SAE1: variants seen among roughly 807,000 people sequenced by gnomAD.
SAE1 encodes the protein SUMO1 activating enzyme subunit 1.
A neutral mutation model predicts 40.6 loss-of-function variants in SAE1; 11 were observed. The observed-to-expected ratio is 0.27, with a 90% confidence interval of 0.17 to 0.45. The LOEUF is 0.45. Among genes scored for constraint, SAE1 ranks in the 20% least tolerant of loss-of-function variants. SAE1 has a pLI of 1.00. For synonymous variants in SAE1, 155 were observed against 154.3 expected (o/e 1.00, Z -0.03); for missense variants, 373 against 427.3 (o/e 0.87, Z 1.12).
chr19:47,186,274 A>G (rs1237225704), intron 6 of SAE1, among the ~76,000 whole-genome samples: 2 of 152,058 alleles, frequency 1.3e-5, no homozygotes, highest in Admixed American at 1.3e-4. Flanking sequence ...ATAAAAGCTC[A>G]TTGGAGCATT....
intron 5 of SAE1, among the ~76,000 whole-genome samples, chr19:47,168,689 C>T (rs996327764): frequency 6.6e-6 from 1 of 151,966 alleles, no homozygotes. Flanking sequence ...TGCAACCTCC[C>T]CCCTCCTAGG....
rs191185562 is a variant in SAE1, at chr19:47,130,843, C to A, written c.-88C>A. ...TGCGCATGCGCAGAAGCACTCCGGG[C>A]GTGCTGCCGGCGGCGGTAGGTGGCG... On this transcript the variant is annotated 5_prime_UTR_variant, in exon 1 of 9. Coordinates refer to ENST00000270225, the MANE Select transcript of SAE1 (RefSeq NM_005500.3). 503 of 1,539,048 alleles carry A rather than the reference C, an allele frequency of 3.3e-4. 3 individuals carry two copies. In the African/African-American group the frequency reaches 6.2e-3, roughly 19 times the overall value.
chr19:47,175,591 A>G (rs2123266040), intron 6 of SAE1, among the ~76,000 whole-genome samples: 2 of 152,202 alleles, frequency 1.3e-5, no homozygotes, highest in Middle Eastern at 6.8e-3. Flanking sequence ...CACAAAAATT[A>G]GCCAGGCATG....
intron 6 of SAE1, among the ~76,000 whole-genome samples, chr19:47,170,411 C>T (rs2058423470): frequency 6.6e-6 from 1 of 150,982 alleles, no homozygotes; most frequent in African/African-American, 2.4e-5. Context: ...GATGGGGTTT[C>T]ACCATGATGC....
In SAE1 at chr19:47,143,546, A is replaced by G. The variant is rs1487098045; in HGVS notation, c.151A>G (p.Ile51Val). ...LVGLKGLGAE[I>V]AKNLILAGVK... ...CGGCTTGAAAGGACTTGGGGCTGAA[A>G]TTGCCAAGAATCTCATCTTGGCAGG... Residue 51 changes from isoleucine (I) to valine (V), a missense_variant, in exon 2 of 9, where the codon ATT (isoleucine) becomes GTT (valine). Physicochemically the swap from Ile to Val is conservative, Grantham distance 29 (BLOSUM62 3). Coordinates refer to ENST00000270225, the MANE Select transcript of SAE1 (RefSeq NM_005500.3). The G allele has an allele frequency of 1.9e-6, 3 of 1,614,116 alleles. No homozygotes were observed. The highest frequency in any genetic ancestry group is 2.5e-6 in the Non-Finnish European group (3 of 1,180,026).
chr19:47,142,383 TTAAA>T, intron 1 of SAE1: 1 of 124,240 alleles, frequency 8.0e-6, no homozygotes, highest in Non-Finnish European at 1.9e-5. Context: ...GACTCTGTCT[TTAAA>T]AAAAAAAAAA....
intron 1 of SAE1, among the ~76,000 whole-genome samples, chr19:47,142,037 AC>A (rs2058225393): frequency 6.6e-6 from 1 of 152,062 alleles, no homozygotes; most frequent in Non-Finnish European, 1.5e-5. Context: ...GGATGGCCTG[AC>A]CTCTGATTGC....
At chr19:47,164,430 G>C (rs1185891397) in intron 5 of SAE1, among the ~76,000 whole-genome samples, 1 of 152,046 alleles carries the variant, frequency 6.6e-6, no homozygotes, top group Admixed American at 6.6e-5. Flanking sequence ...GCCTCCCAAA[G>C]TGCTGGGATT....
At position 47,192,281 on chromosome 19, in the gene SAE1, C is replaced by T. The variant is rs550506349; in HGVS notation, c.734-4952C>T. Among the ~76,000 whole-genome samples the T allele has an allele frequency of 2.0e-3, 298 of 151,888 alleles. 1 individual carries two copies. Among genetic ancestry groups the T allele is most frequent in the Non-Finnish European group, 3.6e-3 (243 of 67,942 alleles). On this transcript the variant is annotated intron_variant, in intron 6 of 8. Coordinates refer to ENST00000270225, the MANE Select transcript of SAE1 (RefSeq NM_005500.3). Reference sequence around the variant, plus strand: ...TCGTTGTTGTTTTGAGACAGAGTCTCGCTCTGTCACCCAGGCTAGATTGCA... The same window carrying T: ...TCGTTGTTGTTTTGAGACAGAGTCTTGCTCTGTCACCCAGGCTAGATTGCA...
At chr19:47,201,359 CCTTTT>C (rs1446896066) in intron 7 of SAE1, among the ~76,000 whole-genome samples, 1 of 56,364 alleles carries the variant, frequency 1.8e-5, no homozygotes, top group Non-Finnish European at 3.2e-5. Flanking sequence ...TTATCTGGTT[CCTTTT>C]TTTTTTTTTT....
At chr19:47,196,394 C>T (rs2058616390) in intron 6 of SAE1, among the ~76,000 whole-genome samples, 1 of 121,386 alleles carries the variant, frequency 8.2e-6, no homozygotes, top group Non-Finnish European at 1.6e-5. Flanking sequence ...GACGGAGTCT[C>T]ACTCTGTCAC....
chr19:47,174,047 G>A (rs2058452525), intron 6 of SAE1, among the ~76,000 whole-genome samples: 1 of 152,024 alleles, frequency 6.6e-6, no homozygotes, highest in Non-Finnish European at 1.5e-5. Flanking sequence ...GCCTCCCAAA[G>A]TGCTGGGATT....
intron 5 of SAE1, among the ~76,000 whole-genome samples, chr19:47,156,225 C>T (rs2058323748): frequency 6.6e-6 from 1 of 150,794 alleles, no homozygotes; most frequent in South Asian, 2.1e-4. Flanking sequence ...GAGCCATGGT[C>T]ACACCACTGC....
chr19:47,160,556 G>A (rs972067929), intron 5 of SAE1, among the ~76,000 whole-genome samples: 10 of 151,758 alleles, frequency 6.6e-5, no homozygotes, highest in Non-Finnish European at 1.5e-4. Context: ...CGCCATGCCC[G>A]ACTAATTTTT....
intron 6 of SAE1, among the ~76,000 whole-genome samples, chr19:47,180,465 C>G (rs1409756346): frequency 6.6e-6 from 1 of 152,308 alleles, no homozygotes; most frequent in East Asian, 1.9e-4. Context: ...ACAATTGTTT[C>G]AATCAAGAAT....
At chr19:47,155,049 T>C in intron 4 of SAE1, 65 bp from the exon 5 acceptor site, 1 of 1,061,000 alleles carries the variant, frequency 9.4e-7, no homozygotes, top group Non-Finnish European at 1.5e-6. Flanking sequence ...TGGAGAGGCT[T>C]TTTTTGATTC....
At chr19:47,202,596 C>T (rs752295795) in intron 7 of SAE1, among the ~76,000 whole-genome samples, 2 of 151,416 alleles carry the variant, frequency 1.3e-5, no homozygotes. Flanking sequence ...TAATTATACC[C>T]GTTTAGATTG....
rs1339077131 is a variant in SAE1, at chr19:47,203,809, A to G, written c.948+69A>G. Reference sequence around the variant, plus strand: ...GTATATGTGCTGACAGAGAGAATGGAAACTGTCTTAGACAGCTGCCTGCTT... The same window carrying G: ...GTATATGTGCTGACAGAGAGAATGGGAACTGTCTTAGACAGCTGCCTGCTT... On this transcript the variant is annotated intron_variant, in intron 8 of 8. Coordinates refer to ENST00000270225, the MANE Select transcript of SAE1 (RefSeq NM_005500.3). The G allele has an allele frequency of 4.4e-6, 6 of 1,365,960 alleles. No individual in the cohort carries two copies. In the African/African-American group the frequency reaches 5.7e-5, roughly 13 times the overall value. The allele number at this position is 1,365,960 out of a possible 1,614,324, so 84.6% of individuals were successfully genotyped here.
chr19:47,197,362 C>G lies in SAE1; in HGVS notation c.863C>G (p.Pro288Arg), dbSNP rs144882876. 234 of 1,612,806 alleles carry G rather than the reference C, an allele frequency of 1.5e-4. 1 individual carries two copies. The African/African-American group carries it at 2.9e-3, about 20-fold the overall frequency. ...DSLGISPDLL[P>R]EDFVRYCFSE... ...CTGGGTATTAGTCCTGACCTGCTTCCTGAGGACTTTGTCAGGTTGGTGTCA... is the reference window on the plus strand; with the variant it reads ...CTGGGTATTAGTCCTGACCTGCTTCGTGAGGACTTTGTCAGGTTGGTGTCA... Residue 288 changes from proline to arginine, a missense_variant, in exon 7 of 9, where the codon CCT becomes CGT. Coordinates refer to ENST00000270225, the MANE Select transcript of SAE1 (RefSeq NM_005500.3).
Sources: allele counts gnomAD v4.1 joint callset (sites outside exome capture counted in the v4.1 genomes callset), GRCh38; gene constraint gnomAD v4.1.1; transcripts MANE v1.5; gene names NCBI Gene and HGNC (gene_info 2026-07-23, HGNC 2026-07-21).